Variants in NEDD4L observed in about 807,000 individuals in gnomAD.
NEDD4L encodes NEDD4 like E3 ubiquitin protein ligase, also known as E3 ubiquitin-protein ligase NEDD4-like.
A neutral mutation model predicts 148.9 loss-of-function variants in NEDD4L; 54 were observed. The observed-to-expected ratio is 0.36, with a 90% CI of 0.29 to 0.45. The LOEUF is 0.45. NEDD4L is among the 20% of genes least tolerant of loss of function. The probability of loss-of-function intolerance (pLI) is 1.00; values close to 1 mark genes in which losing one functional copy is unlikely to be tolerated. For synonymous variants in NEDD4L, 433 were observed against 440.7 expected, an observed-to-expected ratio of 0.98 and a Z score of 0.22; for missense variants, 856 against 1,233.8, an observed-to-expected ratio of 0.69 and a Z score of 4.59.
At chr18:58,388,849 G>A (rs553711397) in intron 27 of NEDD4L, 26 of 538,884 alleles carry the variant, frequency 4.8e-5, no homozygotes, top group South Asian at 2.1e-4. Flanking sequence ...TATCCGATAC[G>A]ACATGCCGTG....
At chr18:58,274,014 A>G (rs79163068) in intron 5 of NEDD4L, among the ~76,000 whole-genome samples, 27,440 of 151,962 alleles carry the variant, frequency 0.18, 2,570 homozygotes, top group Non-Finnish European at 0.18. Flanking sequence ...CCCTTTCTAC[A>G]CGTAGCCTTT....
chr18:58,353,308 G>T (rs1214131624), intron 18 of NEDD4L, among the ~76,000 whole-genome samples: 2 of 152,178 alleles, frequency 1.3e-5, no homozygotes, highest in Non-Finnish European at 2.9e-5. Flanking sequence ...CACCCCCGAG[G>T]CTCCATTATA....
Position 58,383,277 on chromosome 18 carries a change from C to A in NEDD4L, c.2384C>A (p.Ser795Ter). ...CAAGTGGATTTGAAGCCCAATGGGTCAGAAATAATGGTCACAAATGAAAAC... is the reference window on the plus strand; with the variant it reads ...CAAGTGGATTTGAAGCCCAATGGGTAAGAAATAATGGTCACAAATGAAAAC... ...TYQVDLKPNG[S>*]EIMVTNENKR... is the part of the protein sequence containing the mutation. Residue 795 changes from serine to a stop codon, truncating the protein, a stop_gained, in exon 25 of 31, where the codon TCA becomes TAA. Transcript: ENST00000400345. LOFTEE classifies it high-confidence loss of function. The A allele has an allele frequency of 1.3e-6, 2 of 1,542,742 alleles. No homozygotes were observed. Among genetic ancestry groups the A allele is most frequent in the South Asian group, 2.4e-5 (2 of 83,830 alleles).
At chr18:58,194,942 A>C (rs2040496979) in intron 2 of NEDD4L, among the ~76,000 whole-genome samples, 1 of 152,250 alleles carries the variant, frequency 6.6e-6, no homozygotes, top group African/African-American at 2.4e-5. Flanking sequence ...AGAATGCCAA[A>C]GGTGGCATAG....
At chr18:58,247,787 C>T (rs1260453773) in intron 3 of NEDD4L, among the ~76,000 whole-genome samples, 1 of 152,224 alleles carries the variant, frequency 6.6e-6, no homozygotes, top group African/African-American at 2.4e-5. Flanking sequence ...TCCGGGACTG[C>T]AGCCAGAGGC....
intron 1 of NEDD4L, among the ~76,000 whole-genome samples, chr18:58,147,281 G>A (rs558087025): frequency 6.6e-6 from 1 of 152,168 alleles, no homozygotes; most frequent in African/African-American, 2.4e-5. Flanking sequence ...ATTCTTTGTT[G>A]TGGGGGCTGT....
chr18:58,049,322 G>C (rs1047759287), intron 1 of NEDD4L, among the ~76,000 whole-genome samples: 5 of 152,226 alleles, frequency 3.3e-5, no homozygotes, highest in African/African-American at 1.2e-4. Flanking sequence ...AAGTGATTAA[G>C]AATAGTTGTT....
intron 24 of NEDD4L, among the ~76,000 whole-genome samples, chr18:58,375,196 C>G (rs906079423): frequency 6.6e-6 from 1 of 152,154 alleles, no homozygotes; most frequent in Non-Finnish European, 1.5e-5. Context: ...CCGTCCTTGG[C>G]ACGTCCCTGT....
At chr18:58,142,130 T>A (rs2033607721) in intron 1 of NEDD4L, among the ~76,000 whole-genome samples, 1 of 137,784 alleles carries the variant, frequency 7.3e-6, no homozygotes, top group Non-Finnish European at 1.5e-5. Context: ...CACTGCAAGC[T>A]CCACCTCCTG....
At position 58,256,358 on chromosome 18, in the gene NEDD4L, C is replaced by G; in HGVS notation, c.297+4304C>G. 1 of 1,232,180 alleles carries G rather than the reference C, an allele frequency of 8.1e-7. No individual in the cohort carries two copies. The highest frequency in any genetic ancestry group is 1.0e-6 in the Non-Finnish European group (1 of 987,976). 76.3% of individuals were successfully genotyped at this position (1,232,180 alleles called of 1,614,324 possible). ...AGATGCTTCTGGAAGCTCTGGGAAG[C>G]GGTGTTTTGTCTTCCAGTTGCAGCA... On this transcript the variant is annotated intron_variant, in intron 5 of 30. Transcript: ENST00000400345. The surrounding 1 kb of genome is among the most constrained non-coding windows in gnomAD (Gnocchi z 5.2).
At chr18:58,215,317 C>G (rs2043057210) in intron 2 of NEDD4L, among the ~76,000 whole-genome samples, 1 of 152,170 alleles carries the variant, frequency 6.6e-6, no homozygotes, top group Non-Finnish European at 1.5e-5. Flanking sequence ...TTTTATCAGT[C>G]TTTTCATCTT....
At chr18:58,151,703 G>A (rs1389236516) in intron 1 of NEDD4L, among the ~76,000 whole-genome samples, 1 of 151,106 alleles carries the variant, frequency 6.6e-6, no homozygotes, top group East Asian at 1.9e-4. Flanking sequence ...GTCGGGTAGA[G>A]TGTTAATAGT....
At chr18:58,057,634 A>T (rs563347661) in intron 1 of NEDD4L, among the ~76,000 whole-genome samples, 1 of 152,236 alleles carries the variant, frequency 6.6e-6, no homozygotes, top group South Asian at 2.1e-4. Flanking sequence ...TTCCAGCCTT[A>T]CTGAGAATGT....
chr18:58,167,815 C>T (rs2037058025), intron 2 of NEDD4L, among the ~76,000 whole-genome samples: 1 of 152,084 alleles, frequency 6.6e-6, no homozygotes, highest in Non-Finnish European at 1.5e-5. Flanking sequence ...TCACTCTTTC[C>T]AATGAAATCT....
At chr18:58,061,396 A>C (rs182796956) in intron 1 of NEDD4L, among the ~76,000 whole-genome samples, 351 of 152,224 alleles carry the variant, frequency 2.3e-3, no homozygotes, top group Non-Finnish European at 4.0e-3. Context: ...AGTCTTCCAG[A>C]TGTCAGAATC....
intron 5 of NEDD4L, among the ~76,000 whole-genome samples, chr18:58,278,407 G>A (rs533635325): frequency 1.3e-5 from 2 of 152,294 alleles, no homozygotes; most frequent in Non-Finnish European, 2.9e-5. Context: ...CTTATTCAGA[G>A]GAGTTTCCTA....
intron 5 of NEDD4L, among the ~76,000 whole-genome samples, chr18:58,293,820 T>A (rs2055134076): frequency 1.3e-5 from 2 of 152,186 alleles, no homozygotes; most frequent in Non-Finnish European, 2.9e-5. Context: ...CCTCCTGGGC[T>A]CAAGCAATCC....
chr18:58,332,374 A>G (rs1601358997), intron 11 of NEDD4L, among the ~76,000 whole-genome samples: 1 of 152,336 alleles, frequency 6.6e-6, no homozygotes, highest in Non-Finnish European at 1.5e-5. Flanking sequence ...TTGGCTGGGC[A>G]CGGTGGCTAA....
chr18:58,375,654 C>T (rs542902950), intron 24 of NEDD4L, among the ~76,000 whole-genome samples: 3 of 152,060 alleles, frequency 2.0e-5, no homozygotes, highest in Non-Finnish European at 2.9e-5. Context: ...TCACCTCTTT[C>T]CCTGCCATCC....
Sources: gnomAD v4.1 joint callset for allele counts (sites outside exome capture counted in the v4.1 genomes callset) on GRCh38, gnomAD v4.1.1 for gene constraint, Gnocchi (gnomAD v3.1) non-coding constraint, MANE v1.5 for transcripts, NCBI Gene and HGNC (gene_info 2026-07-23, HGNC 2026-07-21) for gene names.